Variants in PYROXD2 observed in about 807,000 individuals in gnomAD.
PYROXD2 encodes pyridine nucleotide-disulphide oxidoreductase domain 2.
PYROXD2 carries 69 observed loss-of-function variants against 71.1 expected under a neutral mutation model. That is an observed-to-expected ratio of 0.97 (90% CI 0.80 to 1.19). The LOEUF (loss-of-function observed/expected upper bound fraction) is 1.19, where lower values mean the gene tolerates loss of function less well. Ranked by LOEUF, PYROXD2 falls within the 50% of genes most tolerant of loss-of-function variation. The probability of loss-of-function intolerance (pLI) is 0.00; values close to 1 mark genes in which losing one functional copy is unlikely to be tolerated. For missense variants in PYROXD2, 745 were observed against 748.9 expected (o/e 0.99, Z 0.06); for synonymous variants, 287 against 302.7 (o/e 0.95, Z 0.54).
At chr10:98,412,567 C>T (rs1192376717) in intron 1 of PYROXD2, among the ~76,000 whole-genome samples, 7 of 152,252 alleles carry the variant, frequency 4.6e-5, no homozygotes, top group African/African-American at 1.4e-4. Context: ...CCCTCAGTCA[C>T]TCTCAGGCAC....
intron 1 of PYROXD2, 105 bp downstream of exon 1, chr10:98,414,901 AGAG>A (rs1249016945): frequency 2.7e-6 from 4 of 1,476,742 alleles, no homozygotes; most frequent in African/African-American, 1.4e-5. Flanking sequence ...GGGTTATGCC[AGAG>A]GAGAGAGCAG....
chr10:98,407,431 G>A, intron 4 of PYROXD2, 151 bp downstream of exon 4: 1 of 853,496 alleles, frequency 1.2e-6, no homozygotes, highest in South Asian at 1.6e-5. Context: ...ATGCAGCAGG[G>A]AGACCACGTG....
intron 14 of PYROXD2, 135 bp downstream of exon 14, chr10:98,387,066 G>A (rs1842777570): frequency 1.9e-5 from 12 of 618,848 alleles, no homozygotes; most frequent in South Asian, 1.2e-4. Flanking sequence ...TCTCTCAGCC[G>A]GGGTCCCTGC....
chr10:98,407,789 G>A, intron 3 of PYROXD2, 115 bp downstream of exon 3: 1 of 1,058,790 alleles, frequency 9.4e-7, no homozygotes, highest in South Asian at 1.6e-5. Context: ...CAGCAGGGAT[G>A]GAGACCGTCA....
intron 2 of PYROXD2, among the ~76,000 whole-genome samples, chr10:98,408,251 G>T (rs1161707767): frequency 3.3e-5 from 5 of 152,188 alleles, no homozygotes; most frequent in Non-Finnish European, 5.9e-5. Context: ...CCAGCTGAAA[G>T]TGGTCTTCCC....
chr10:98,414,845 G>T, intron 1 of PYROXD2, 164 bp downstream of exon 1: 2 of 1,094,428 alleles, frequency 1.8e-6, no homozygotes, highest in Admixed American at 2.8e-5. Context: ...CTGCCAGATG[G>T]AAGGGCTTTC....
Position 98,392,534 on chromosome 10 carries a change from G to A in PYROXD2, c.960C>T (p.Gly320=), listed in dbSNP as rs1564796285. Reference sequence around the variant, plus strand: ...CTTCCAGCACAACTCCTTGAACACAGCCTTCACTGTTCACCTGCACCTTCG... The same window carrying A: ...CTTCCAGCACAACTCCTTGAACACAACCTTCACTGTTCACCTGCACCTTCG... ...TVAKVQVNSE[G]CVQGVVLEDG... The change falls in exon 10 of 16, where the codon GGC becomes GGT. Residue 320 remains glycine, a synonymous_variant. Coordinates refer to ENST00000370575, the MANE Select transcript of PYROXD2 (RefSeq NM_032709.3). The A allele has an allele frequency of 1.2e-6, 2 of 1,612,936 alleles. No individual in the cohort carries two copies. Among genetic ancestry groups the A allele is most frequent in the Non-Finnish European group, 1.7e-6 (2 of 1,180,014 alleles).
At chr10:98,390,561 G>A in intron 12 of PYROXD2, 37 bp downstream of exon 12, 1 of 1,525,840 alleles carries the variant, frequency 6.6e-7, no homozygotes, top group Non-Finnish European at 8.8e-7. Context: ...GGCCCATGTG[G>A]AAGAACATCA....
At chr10:98,394,301 T>C (rs1843065702) in intron 8 of PYROXD2, among the ~76,000 whole-genome samples, 1 of 152,162 alleles carries the variant, frequency 6.6e-6, no homozygotes, top group Admixed American at 6.5e-5. Flanking sequence ...AGGCCCCAGC[T>C]GGAAGATCCA....
At chr10:98,398,434 T>G (rs1021224135) in intron 5 of PYROXD2, among the ~76,000 whole-genome samples, 2 of 152,184 alleles carry the variant, frequency 1.3e-5, no homozygotes, top group African/African-American at 2.4e-5. Context: ...CTGACTCTTC[T>G]TAGCCCTGGA....
At chr10:98,403,373 A>C (rs1843487294) in intron 4 of PYROXD2, among the ~76,000 whole-genome samples, 1 of 152,172 alleles carries the variant, frequency 6.6e-6, no homozygotes, top group Non-Finnish European at 1.5e-5. Flanking sequence ...AGTGCTCCAC[A>C]TGCGACCCCC....
chr10:98,413,692 C>T (rs1469858122), intron 1 of PYROXD2, among the ~76,000 whole-genome samples: 4 of 151,882 alleles, frequency 2.6e-5, no homozygotes, highest in Admixed American at 2.0e-4. Context: ...CCAGCCTGGG[C>T]AACAGAGCAA....
intron 4 of PYROXD2, among the ~76,000 whole-genome samples, chr10:98,403,124 C>T (rs1843474517): frequency 6.6e-6 from 1 of 152,232 alleles, no homozygotes; most frequent in Admixed American, 6.5e-5. Context: ...ATTTCCGATG[C>T]TGGCGGGGGC....
intron 12 of PYROXD2, among the ~76,000 whole-genome samples, chr10:98,389,251 C>T (rs888921008): frequency 3.3e-5 from 5 of 151,712 alleles, no homozygotes; most frequent in African/African-American, 1.2e-4. Flanking sequence ...CTTTTTTTGA[C>T]CCACATCCCA....
intron 4 of PYROXD2, among the ~76,000 whole-genome samples, chr10:98,403,278 C>T (rs927862910): frequency 4.6e-5 from 7 of 152,246 alleles, no homozygotes; most frequent in Middle Eastern, 3.2e-3. Context: ...CTCTCCTGGT[C>T]ATCCTTGACA....
At chr10:98,403,436 G>A (rs1160882425) in intron 4 of PYROXD2, among the ~76,000 whole-genome samples, 1 of 152,212 alleles carries the variant, frequency 6.6e-6, no homozygotes, top group East Asian at 1.9e-4. Flanking sequence ...CCTTTGTAAA[G>A]TCACAAATCC....
chr10:98,395,561 G>C, intron 6 of PYROXD2, 109 bp from the exon 7 acceptor site: 1 of 930,004 alleles, frequency 1.1e-6, no homozygotes, highest in Non-Finnish European at 1.7e-6. Flanking sequence ...CTGCCAGGAG[G>C]TGGTATAGCA....
chr10:98,400,053 T>A (rs1477376712), intron 5 of PYROXD2, 49 bp downstream of exon 5: 6 of 1,596,376 alleles, frequency 3.8e-6, no homozygotes, highest in African/African-American at 2.7e-5. Context: ...CAGGCCCATC[T>A]CTAGGCTGCT....
chr10:98,391,338 T>A (rs1242801692), intron 10 of PYROXD2, among the ~76,000 whole-genome samples: 1 of 152,066 alleles, frequency 6.6e-6, no homozygotes, highest in Non-Finnish European at 1.5e-5. Context: ...TGCAAAGGGG[T>A]CAGTGGTTTG....
Sources: gnomAD v4.1 joint callset for allele counts (sites outside exome capture counted in the v4.1 genomes callset) on GRCh38, gnomAD v4.1.1 for gene constraint, MANE v1.5 for transcripts, NCBI Gene and HGNC (gene_info 2026-07-23, HGNC 2026-07-21) for gene names.